The following ROR2 variants were observed in gnomAD, a reference collection of about 807,000 sequenced individuals.
ROR2 encodes the protein ROR family WNT receptor 2.
ROR2 carries 33 observed loss-of-function variants against 74.9 expected under a neutral mutation model. That is an observed-to-expected ratio of 0.44 (90% CI 0.33 to 0.59). The LOEUF (loss-of-function observed/expected upper bound fraction) is 0.59, where lower values mean the gene tolerates loss of function less well. ROR2 is among the 20% of genes least tolerant of loss of function. The probability of loss-of-function intolerance (pLI) is 0.02; values close to 1 mark genes in which losing one functional copy is unlikely to be tolerated. For synonymous variants in ROR2, 586 were observed against 558.7 expected (o/e 1.05, Z -0.69); for missense variants, 1,216 against 1,313.8 (o/e 0.93, Z 1.15).
rs146854945 is a variant in ROR2, at chr9:91,724,418, G to C, written c.2076C>G (p.Pro692=). 3.1e-6 allele frequency: 5 copies of C among 1,614,178 alleles called. No homozygotes were observed. The highest frequency in any genetic ancestry group is 4.2e-6 in the Non-Finnish European group (5 of 1,180,032). Residue 692 remains proline, a synonymous_variant, in exon 9 of 9, where the codon CCC becomes CCG. Transcript: ENST00000375708. The part of the protein sequence containing the change: ...LWEVFSYGLQ[P]YCGYSNQDVV... ...CATCCTGGTTGGAGTACCCGCAGTA[G>C]GGCTGCAGGCCGTAGCTGAAGACCT...
intron 1 of ROR2, among the ~76,000 whole-genome samples, chr9:91,933,281 A>G (rs555134352): frequency 6.6e-6 from 1 of 152,296 alleles, no homozygotes; most frequent in Admixed American, 6.5e-5. Context: ...GCGCCACTGC[A>G]CTCCAGCCTG....
At chr9:91,838,877 G>A (rs1828694560) in intron 1 of ROR2, among the ~76,000 whole-genome samples, 1 of 152,126 alleles carries the variant, frequency 6.6e-6, no homozygotes, top group Non-Finnish European at 1.5e-5. Context: ...CAAGAAAATC[G>A]TCTTTCGGCA....
At chr9:91,902,313 G>T (rs1478912729) in intron 1 of ROR2, among the ~76,000 whole-genome samples, 1 of 152,102 alleles carries the variant, frequency 6.6e-6, no homozygotes, top group East Asian at 1.9e-4. Flanking sequence ...ATCACAAAAT[G>T]AAGTAAACTT....
rs1172011804 is a variant in ROR2 at position 91,722,676 on chromosome 9, C to T, written c.*986G>A. 23 of 774,100 alleles carry T rather than the reference C, an allele frequency of 3.0e-5. No individual in the cohort carries two copies. The highest frequency in any genetic ancestry group is 1.9e-4 in the South Asian group (14 of 74,134). The allele number at this position is 774,100 out of a possible 1,614,324, so 48.0% of individuals were successfully genotyped here. On this transcript the variant is annotated 3_prime_UTR_variant, in exon 9 of 9. Transcript: ENST00000375708. The stretch of plus-strand genomic sequence containing the variant: ...ACCAACAATGTGTGCGGGGCACAGA[C>T]GGCTGCCTGTGGGTCTGTGTGTAAC...
chr9:91,906,199 A>G (rs1830812374), intron 1 of ROR2, among the ~76,000 whole-genome samples: 1 of 152,136 alleles, frequency 6.6e-6, no homozygotes, highest in Non-Finnish European at 1.5e-5. Flanking sequence ...AGCAGCGTGC[A>G]CTCGCAGCAG....
At chr9:91,936,712 A>G (rs1004825681) in intron 1 of ROR2, among the ~76,000 whole-genome samples, 4 of 152,168 alleles carry the variant, frequency 2.6e-5, no homozygotes, top group African/African-American at 7.2e-5. Flanking sequence ...CTCTAATCTT[A>G]TTTCCACCTC....
intron 4 of ROR2, among the ~76,000 whole-genome samples, chr9:91,745,490 G>A (rs960767359): frequency 1.3e-4 from 18 of 135,950 alleles, no homozygotes; most frequent in African/African-American, 1.7e-4. Flanking sequence ...GTGCAATGGC[G>A]CGCTCTCAGC....
chr9:91,826,608 C>G (rs78160002), intron 1 of ROR2, among the ~76,000 whole-genome samples: 1 of 151,818 alleles, frequency 6.6e-6, no homozygotes, highest in African/African-American at 2.4e-5. Flanking sequence ...AGTGAAACCC[C>G]GTCTCTACTA....
At chr9:91,899,155 G>T (rs565343390) in intron 1 of ROR2, among the ~76,000 whole-genome samples, 1 of 152,210 alleles carries the variant, frequency 6.6e-6, no homozygotes. Context: ...GAAACACATG[G>T]ACCGGAAAGG....
At chr9:91,732,999 AG>A in intron 6 of ROR2, 122 bp downstream of exon 6, 1 of 995,956 alleles carries the variant, frequency 1.0e-6, no homozygotes, top group Non-Finnish European at 1.4e-6. Context: ...TCGGCTGCTA[AG>A]GGGGTTCTGT....
intron 1 of ROR2, among the ~76,000 whole-genome samples, chr9:91,945,767 C>G (rs1277633980): frequency 1.3e-5 from 2 of 152,174 alleles, no homozygotes; most frequent in Non-Finnish European, 2.9e-5. Flanking sequence ...TTCAACAATT[C>G]TTTGGCCACT....
At chr9:91,884,129 C>T (rs1250065770) in intron 1 of ROR2, among the ~76,000 whole-genome samples, 2 of 152,266 alleles carry the variant, frequency 1.3e-5, no homozygotes, top group Non-Finnish European at 2.9e-5. Flanking sequence ...AGTACTAATC[C>T]CTTTCTTTTC....
At chr9:91,808,914 A>T (rs908149355) in intron 1 of ROR2, among the ~76,000 whole-genome samples, 1 of 151,588 alleles carries the variant, frequency 6.6e-6, no homozygotes, top group Non-Finnish European at 1.5e-5. Flanking sequence ...GAGGCAGGAG[A>T]ATGGCATGAA....
intron 1 of ROR2, among the ~76,000 whole-genome samples, chr9:91,808,029 T>C (rs1827624121): frequency 6.6e-6 from 1 of 152,112 alleles, no homozygotes; most frequent in Non-Finnish European, 1.5e-5. Context: ...GTTGTTTAGG[T>C]ACCTATTGCA....
At chr9:91,751,736 G>C (rs1464781898) in intron 4 of ROR2, among the ~76,000 whole-genome samples, 14 of 152,264 alleles carry the variant, frequency 9.2e-5, no homozygotes, top group Admixed American at 5.2e-4. Context: ...CAAGAAATGT[G>C]CAGATACATC....
intron 7 of ROR2, among the ~76,000 whole-genome samples, chr9:91,730,515 C>A (rs1837201729): frequency 6.6e-6 from 1 of 152,124 alleles, no homozygotes; most frequent in African/African-American, 2.4e-5. Flanking sequence ...TGCTGGAGTG[C>A]AGTGTCACAA....
intron 1 of ROR2, among the ~76,000 whole-genome samples, chr9:91,874,727 C>T (rs1480844676): frequency 6.6e-6 from 1 of 152,052 alleles, no homozygotes; most frequent in Non-Finnish European, 1.5e-5. Context: ...CCTGAGGTCC[C>T]GAGTTTGAGA....
At chr9:91,942,196 T>G (rs1449775182) in intron 1 of ROR2, among the ~76,000 whole-genome samples, 1 of 152,190 alleles carries the variant, frequency 6.6e-6, no homozygotes, top group Non-Finnish European at 1.5e-5. Flanking sequence ...CCATTTCGTT[T>G]GCTGATTTTT....
At chr9:91,815,642 G>C (rs1379700137) in intron 1 of ROR2, among the ~76,000 whole-genome samples, 1 of 152,188 alleles carries the variant, frequency 6.6e-6, no homozygotes, top group Non-Finnish European at 1.5e-5. Context: ...AGGTATTCTT[G>C]ACGAACAGTG....
Sources: gnomAD v4.1 joint callset for allele counts (sites outside exome capture counted in the v4.1 genomes callset) on GRCh38, gnomAD v4.1.1 for gene constraint, MANE v1.5 for transcripts, NCBI Gene and HGNC (gene_info 2026-07-23, HGNC 2026-07-21) for gene names.